THOC1: variants seen among roughly 807,000 people sequenced by gnomAD.
THOC1 encodes the protein THO complex subunit 1, also known as THO complex 1.
Under a neutral mutation model 97.3 loss-of-function variants are expected in THOC1, and 29 were observed. The ratio of observed to expected loss-of-function variants is 0.30; its 90% confidence interval spans 0.22 to 0.41. The LOEUF (loss-of-function observed/expected upper bound fraction) is 0.41, where lower values mean the gene tolerates loss of function less well. THOC1 is among the 10% of genes least tolerant of loss of function. THOC1 has a pLI of 1.00. For synonymous variants in THOC1, 255 were observed against 257.0 expected (o/e 0.99, Z 0.07); for missense variants, 529 against 761.9 (o/e 0.69, Z 3.60).
chr18:249,532 C>T (rs778105219), intron 9 of THOC1, among the ~76,000 whole-genome samples: 2 of 151,922 alleles, frequency 1.3e-5, no homozygotes, highest in South Asian at 2.1e-4. Flanking sequence ...CATTGTGGTG[C>T]GTGCTTGTAG....
Position 244,065 on chromosome 18 carries a change from T to C in THOC1, c.918+2259A>G, listed in dbSNP as rs75312148. On this transcript the variant is annotated intron_variant, in intron 11 of 20. Coordinates refer to ENST00000261600, the MANE Select transcript of THOC1 (RefSeq NM_005131.3). ...TCTTTTGGTGGTTACCCTTTTAATA[T>C]ACATGAAAAGGAATATTCAGTATTC... Among the ~76,000 whole-genome samples, 275 of 152,280 alleles carry C rather than the reference T, an allele frequency of 1.8e-3. 6 individuals carry two copies. The East Asian group carries it at 0.04, about 22-fold the overall frequency.
intron 7 of THOC1, among the ~76,000 whole-genome samples, chr18:258,788 G>A (rs368511719): frequency 5.9e-5 from 9 of 151,936 alleles, no homozygotes; most frequent in African/African-American, 2.2e-4. Context: ...CTATATGAGC[G>A]TTATATTTCA....
At chr18:241,247 G>C (rs1238874034) in intron 11 of THOC1, among the ~76,000 whole-genome samples, 1 of 152,058 alleles carries the variant, frequency 6.6e-6, no homozygotes, top group Admixed American at 6.6e-5. Flanking sequence ...TTTGCTCCTA[G>C]CTAGGCTATA....
chr18:252,654 A>G, intron 8 of THOC1, 42 bp from the exon 9 acceptor site: 1 of 1,510,858 alleles, frequency 6.6e-7, no homozygotes, highest in Non-Finnish European at 9.1e-7. Context: ...TGAAGCAGTC[A>G]TCAGACAGAA....
chr18:250,280 CAA>C lies in THOC1; in HGVS notation c.677+2257_677+2258del, dbSNP rs892092515. ...TCCTTCACAGCTGAATAAAATTCTTCAAAGAGTTGTCTATACTCCATGTCACC... is the reference window on the plus strand; with the variant it reads ...TCCTTCACAGCTGAATAAAATTCTTCAGAGTTGTCTATACTCCATGTCACC... On this transcript the variant is annotated intron_variant, in intron 9 of 20. Coordinates refer to ENST00000261600, the MANE Select transcript of THOC1 (RefSeq NM_005131.3). Among the ~76,000 whole-genome samples, 41 of 152,294 alleles carry C rather than the reference CAA, an allele frequency of 2.7e-4. No homozygotes were observed. In the South Asian group the frequency reaches 8.5e-3, roughly 32 times the overall value.
At chr18:227,884 A>AC (rs1853754122) in intron 11 of THOC1, among the ~76,000 whole-genome samples, 2 of 151,994 alleles carry the variant, frequency 1.3e-5, no homozygotes, top group South Asian at 4.2e-4. Context: ...TACTAATGCT[A>AC]CCTAACACGC....
Position 214,709 on chromosome 18 carries a change from C to G in THOC1, c.1891G>C (p.Glu631Gln). Residue 631 changes from glutamate to glutamine, a missense_variant, in exon 21 of 21, where the codon GAG (glutamate) becomes CAG (glutamine). Glu to Gln is a conservative substitution (Grantham distance 29, BLOSUM62 2). Transcript: ENST00000261600. ...QDQEGVHATP[E>Q]NLINALNKSG... Reference sequence around the variant, plus strand: ...TTATTCAGTGCATTAATCAGATTCTCAGGTGTTGCATGAACTCCCTCTTGA... The same window carrying G: ...TTATTCAGTGCATTAATCAGATTCTGAGGTGTTGCATGAACTCCCTCTTGA... 1 of 1,613,956 alleles carries G rather than the reference C, an allele frequency of 6.2e-7. No individual in the cohort carries two copies. Among genetic ancestry groups the G allele is most frequent in the South Asian group, 1.1e-5 (1 of 91,074 alleles).
intron 11 of THOC1, among the ~76,000 whole-genome samples, chr18:231,995 A>G (rs899241520): frequency 7.2e-5 from 11 of 152,266 alleles, no homozygotes; most frequent in Admixed American, 4.6e-4. Context: ...TATGGACTAT[A>G]TATCTCTGTC....
chr18:264,787 T>C (rs1410200268), intron 3 of THOC1, among the ~76,000 whole-genome samples: 1 of 152,222 alleles, frequency 6.6e-6, no homozygotes, highest in Non-Finnish European at 1.5e-5. Context: ...GAATAAACTG[T>C]TGAAACTTTT....
At chr18:215,974 A>C (rs45620542) in intron 19 of THOC1, among the ~76,000 whole-genome samples, 32,030 of 152,114 alleles carry the variant, frequency 0.21, 3,923 homozygotes, top group South Asian at 0.35. Context: ...TAATTTTTTG[A>C]GACGGAGTCT....
At chr18:243,534 T>C (rs1420934972) in intron 11 of THOC1, among the ~76,000 whole-genome samples, 1 of 151,302 alleles carries the variant, frequency 6.6e-6, no homozygotes, top group East Asian at 1.9e-4. Context: ...CAAAACTCCG[T>C]CTCAAAAAAA....
rs114579944 is a variant in THOC1, at chr18:249,684, G to A, written c.678-1727C>T. 4.5e-3 allele frequency among the ~76,000 whole-genome samples: 658 copies of A among 146,842 alleles called. 7 individuals carry two copies. The highest frequency in any genetic ancestry group is 0.016 in the African/African-American group (635 of 39,980). ...CTCAAAAAAGAAAAAAAAAAAAGCC[G>A]CAAAAAGAACATTCCCTAAAACGTT... On this transcript the variant is annotated intron_variant, in intron 9 of 20. Coordinates refer to ENST00000261600, the MANE Select transcript of THOC1 (RefSeq NM_005131.3).
intron 3 of THOC1, chr18:264,850 T>A (rs541877906): frequency 6.5e-6 from 1 of 153,724 alleles, no homozygotes; most frequent in Non-Finnish European, 1.4e-5. Context: ...TTTTCATGGT[T>A]AGACTTCTCT....
chr18:238,650 A>G (rs1911792884), intron 11 of THOC1, among the ~76,000 whole-genome samples: 1 of 152,234 alleles, frequency 6.6e-6, no homozygotes. Flanking sequence ...ACACAGTATT[A>G]TATAATCTAT....
rs1460324646 is a variant in THOC1, at chr18:215,445, T to C, written c.1662A>G (p.Leu554=). 1.2e-6 allele frequency: 2 copies of C among 1,613,482 alleles called. No individual in the cohort carries two copies. Among genetic ancestry groups the C allele is most frequent in the Admixed American group, 3.3e-5 (2 of 60,016 alleles). ...AGTTCTTACTTTCATTTTCCTTCAG[T>C]AGAGCATCATTATCTTCCTCATCTT... ...EDEDEEDNDA[L]LKENESPDVR... The change falls in exon 20 of 21, where the codon CTA becomes CTG. Residue 554 remains leucine (L), a synonymous_variant. Transcript: ENST00000261600.
At chr18:216,379 ATCACTGGTTT>A (rs1910890977) in intron 19 of THOC1, 97 bp downstream of exon 19, 1 of 1,222,312 alleles carries the variant, frequency 8.2e-7, no homozygotes, top group Admixed American at 2.2e-5. Context: ...GAGCTTGTGG[ATCACTGGTTT>A]TTCACATGAT....
At chr18:260,041 A>G (rs1555608725) in intron 5 of THOC1, 145 bp downstream of exon 5, 1 of 565,894 alleles carries the variant, frequency 1.8e-6, no homozygotes, top group Non-Finnish European at 3.0e-6. Context: ...GGCTCTCCCG[A>G]GAGAGCAGTA....
At chr18:259,044 G>T (rs1912522069) in intron 7 of THOC1, 136 bp downstream of exon 7, 1 of 654,750 alleles carries the variant, frequency 1.5e-6, no homozygotes, top group Non-Finnish European at 2.6e-6. Context: ...ATAAGTAAAA[G>T]AAAATAAAGT....
chr18:234,982 G>A (rs1911623374), intron 11 of THOC1, among the ~76,000 whole-genome samples: 1 of 151,806 alleles, frequency 6.6e-6, no homozygotes, highest in Non-Finnish European at 1.5e-5. Flanking sequence ...ATTCTTTGAA[G>A]TGTTGATAAG....
Sources: gnomAD v4.1 joint callset for allele counts (sites outside exome capture counted in the v4.1 genomes callset) on GRCh38, gnomAD v4.1.1 for gene constraint, MANE v1.5 for transcripts, NCBI Gene and HGNC (gene_info 2026-07-23, HGNC 2026-07-21) for gene names.